Variants in CRB1 observed in about 807,000 individuals in gnomAD.
The protein encoded by CRB1 is protein crumbs homolog 1.
Under a neutral mutation model 120.0 loss-of-function variants are expected in CRB1, and 83 were observed. The ratio of observed to expected loss-of-function variants is 0.69; its 90% CI spans 0.58 to 0.83. The LOEUF is 0.83. Among genes scored for constraint, CRB1 ranks in the 40% least tolerant of loss-of-function variants. CRB1 has a pLI of 0.00. For synonymous variants in CRB1, 625 were observed against 612.5 expected (o/e 1.02, Z -0.30); for missense variants, 1,699 against 1,687.6 (o/e 1.01, Z -0.12).
intron 4 of CRB1, among the ~76,000 whole-genome samples, chr1:197,355,443 G>T (rs957820566): frequency 2.2e-4 from 34 of 152,218 alleles, no homozygotes; most frequent in African/African-American, 8.2e-4. Context: ...CCGCGGAGCA[G>T]GGGGTGGTGC....
intron 5 of CRB1, among the ~76,000 whole-genome samples, chr1:197,358,979 C>G (rs1223717510): frequency 1.3e-5 from 2 of 152,166 alleles, no homozygotes; most frequent in African/African-American, 2.4e-5. Context: ...GTTTATCCTC[C>G]TGCCTACTAT....
chr1:197,400,769 A>C (rs1663025776), intron 5 of CRB1, among the ~76,000 whole-genome samples: 2 of 152,130 alleles, frequency 1.3e-5, no homozygotes, highest in Admixed American at 1.3e-4. Context: ...TAAAGACTTA[A>C]AAGCTTTTGT....
intron 3 of CRB1, 71 bp downstream of exon 3, chr1:197,344,547 A>G: frequency 7.0e-7 from 1 of 1,424,332 alleles, no homozygotes; most frequent in Non-Finnish European, 9.9e-7. Context: ...CACTCTGTTG[A>G]ATTTAGAGCT....
At chr1:197,232,403 A>G in the CRB1 span, among the ~76,000 whole-genome samples, 1 of 152,150 alleles carries the variant, frequency 6.6e-6, no homozygotes, top group African/African-American at 2.4e-5. Context: ...GGTAATGCTT[A>G]ACAGTAAGGA....
chr1:197,443,854 T>C (rs1328861320), intron 11 of CRB1: 1 of 152,164 alleles, frequency 6.6e-6, no homozygotes, highest in African/African-American at 2.4e-5. Context: ...TACGTTATCA[T>C]TTATGCTAAA....
At chr1:197,426,701 T>C (rs932884525) in intron 6 of CRB1, among the ~76,000 whole-genome samples, 5 of 152,192 alleles carry the variant, frequency 3.3e-5, no homozygotes, top group Non-Finnish European at 7.3e-5. Flanking sequence ...CTCTGTTTCC[T>C]GTGCCTTTCC....
chr1:197,399,007 G>T (rs776121539), intron 5 of CRB1, among the ~76,000 whole-genome samples: 6 of 151,420 alleles, frequency 4.0e-5, no homozygotes, highest in Non-Finnish European at 8.8e-5. Context: ...CAGAAGTAAA[G>T]AAGGATTCAA....
At chr1:197,255,957 A>G in the CRB1 span, among the ~76,000 whole-genome samples, 1 of 119,280 alleles carries the variant, frequency 8.4e-6, no homozygotes. Flanking sequence ...ATAATAATAT[A>G]GAACATTTTA....
chr1:197,235,755 G>A, the CRB1 span, among the ~76,000 whole-genome samples: 1 of 152,160 alleles, frequency 6.6e-6, no homozygotes. Flanking sequence ...AGAGTGAGCT[G>A]ATATAAGAAA....
intron 1 of CRB1, among the ~76,000 whole-genome samples, chr1:197,278,803 A>T (rs1655364329): frequency 6.6e-6 from 1 of 151,956 alleles, no homozygotes; most frequent in African/African-American, 2.4e-5. Flanking sequence ...TGACAAAACT[A>T]TTATTTCAGC....
At chr1:197,364,761 C>T (rs1374378847) in intron 5 of CRB1, among the ~76,000 whole-genome samples, 2 of 152,018 alleles carry the variant, frequency 1.3e-5, no homozygotes, top group African/African-American at 2.4e-5. Context: ...TATGTTTTTG[C>T]TGATACTTCT....
In CRB1 at chr1:197,311,855, T is replaced by C. The variant is rs1043130549; in HGVS notation, c.71-16567T>C. 2.0e-5 allele frequency among the ~76,000 whole-genome samples: 3 copies of C among 152,136 alleles called. No individual in the cohort carries two copies. In the East Asian group the frequency reaches 5.8e-4, roughly 29 times the overall value. On this transcript the variant is annotated intron_variant, in intron 1 of 11. Coordinates refer to ENST00000367400, the MANE Select transcript of CRB1 (RefSeq NM_201253.3). ...TTCCCCAATTACCAGTGCTTATCTG[T>C]TTCTTATAGATTTGTAGGAGCTCTT...
intron 1 of CRB1, among the ~76,000 whole-genome samples, chr1:197,292,230 G>A (rs1656229026): frequency 6.6e-6 from 1 of 152,078 alleles, no homozygotes; most frequent in Non-Finnish European, 1.5e-5. Context: ...AAATGATAAA[G>A]GGGATATCAC....
At chr1:197,353,679 T>A (rs1195981949) in intron 4 of CRB1, among the ~76,000 whole-genome samples, 1 of 152,070 alleles carries the variant, frequency 6.6e-6, no homozygotes. Flanking sequence ...CACACGCCTG[T>A]AATCCCAGCT....
At chr1:197,453,871 TTAATA>T (rs1320757343) in intron 11 of CRB1, among the ~76,000 whole-genome samples, 6 of 142,244 alleles carry the variant, frequency 4.2e-5, no homozygotes, top group African/African-American at 1.3e-4. Context: ...ATTAATATTA[TTAATA>T]ATATATATTA....
chr1:197,371,351 T>C (rs879204820), intron 5 of CRB1, among the ~76,000 whole-genome samples: 1 of 152,114 alleles, frequency 6.6e-6, no homozygotes, highest in African/African-American at 2.4e-5. Context: ...TCACTTTAAA[T>C]TTATGGTGCC....
chr1:197,363,963 C>A, intron 5 of CRB1: 1 of 1,341,754 alleles, frequency 7.5e-7, no homozygotes, highest in South Asian at 1.2e-5. Flanking sequence ...AGAAGCCATG[C>A]GGCCGGCGAC....
Position 197,454,585 on chromosome 1 carries a change from A to C in CRB1, c.4005+12293A>C, listed in dbSNP as rs1390833815. On this transcript the variant is annotated intron_variant, in intron 11 of 11. Coordinates refer to ENST00000367400, the MANE Select transcript of CRB1 (RefSeq NM_201253.3). ...AATAGAATGGAAACAGGCAACATAC[A>C]GAGTGGAGCTCCTGGATTATAGATG... Among the ~76,000 whole-genome samples the C allele has an allele frequency of 3.3e-5, 5 of 152,172 alleles. No individual in the cohort carries two copies. The South Asian group carries it at 6.2e-4, about 19-fold the overall frequency.
rs949300901 is a variant in CRB1, at chr1:197,477,304, A to G, written c.4006-360A>G. Among the ~76,000 whole-genome samples, 6 of 152,196 alleles carry G rather than the reference A, an allele frequency of 3.9e-5. No individual in the cohort carries two copies. The South Asian group carries it at 8.3e-4, about 21-fold the overall frequency. ...GAACTTTTGGCAAGGGAGGAAAGAG[A>G]TCATGAATAATACGTGGCTATAGAT... On this transcript the variant is annotated intron_variant, in intron 11 of 11. Transcript: ENST00000367400.
Sources: gnomAD v4.1 joint callset for allele counts (sites outside exome capture counted in the v4.1 genomes callset) on GRCh38, gnomAD v4.1.1 for gene constraint, MANE v1.5 for transcripts, NCBI Gene and HGNC (gene_info 2026-07-23, HGNC 2026-07-21) for gene names.